Variants in RNF19A observed in about 807,000 individuals in gnomAD.
RNF19A encodes ring finger protein 19A, RBR E3 ubiquitin protein ligase, also known as E3 ubiquitin-protein ligase RNF19A.
In RNF19A, 32 loss-of-function variants were observed where a neutral mutation model predicts 75.7. The ratio of observed to expected loss-of-function variants is 0.42; its 90% CI spans 0.32 to 0.57. The LOEUF (loss-of-function observed/expected upper bound fraction) is 0.57. Among genes scored for constraint, RNF19A ranks in the 20% least tolerant of loss-of-function variants. The pLI, the probability that RNF19A is intolerant of heterozygous loss-of-function variation, is 0.10. For missense variants in RNF19A, 782 were observed against 1,036.3 expected (o/e 0.75, Z 3.37); for synonymous variants, 335 against 345.2 (o/e 0.97, Z 0.33).
intron 1 of RNF19A, among the ~76,000 whole-genome samples, chr8:100,298,073 TAAATA>T (rs1297004556): frequency 6.6e-6 from 1 of 151,936 alleles, no homozygotes; most frequent in African/African-American, 2.4e-5. Context: ...TTATAAAGAT[TAAATA>T]AAATAACACA....
intron 1 of RNF19A, among the ~76,000 whole-genome samples, chr8:100,303,787 G>A (rs968769321): frequency 9.1e-4 from 122 of 133,860 alleles, no homozygotes; most frequent in Non-Finnish European, 1.4e-3. Flanking sequence ...AAAAAAAAAT[G>A]ATTAGCTGGG....
chr8:100,318,143 T>C (rs935099690), intron 1 of RNF19A, among the ~76,000 whole-genome samples: 4 of 152,230 alleles, frequency 2.6e-5, no homozygotes, highest in Non-Finnish European at 2.9e-5. Context: ...TCTGACAATA[T>C]CTAGAAAATA....
rs1346581112 is a variant in RNF19A at position 100,324,851 on chromosome 8, CTCCT to C, written c.-243+11253_-243+11256del. On this transcript the variant is annotated intron_variant, in intron 1 of 3. Transcript: ENST00000519527. This position sits in a 1 kb window ranked among gnomAD's most constrained non-coding sequence, Gnocchi z 4.2. The stretch of plus-strand genomic sequence containing the variant: ...TTCCTCCTTCTTCCTCCCTCCCTCC[CTCCT>C]TCCTTTCTCTCTTTCTCTTTTTTTT... Among the ~76,000 whole-genome samples the C allele has an allele frequency of 6.7e-6, 1 of 150,364 alleles. No homozygotes were observed. Among genetic ancestry groups the C allele is most frequent in the East Asian group, 1.9e-4 (1 of 5,158 alleles).
chr8:100,323,960 G>T lies in RNF19A; in HGVS notation c.-242-10588C>A, dbSNP rs1296772178. Among the ~76,000 whole-genome samples, 1 of 152,096 alleles carries T rather than the reference G, an allele frequency of 6.6e-6. No homozygotes were observed. Among genetic ancestry groups the T allele is most frequent in the Non-Finnish European group, 1.5e-5 (1 of 68,018 alleles). On this transcript the variant is annotated intron_variant, in intron 1 of 3. Coordinates refer to the RNF19A transcript ENST00000519527. The surrounding 1 kb of genome is among the most constrained non-coding windows in gnomAD (Gnocchi z 4.6). ...GAGAAAAATTTATCTGAGGTCTCGG[G>T]GCCAGAGATCTGTATTCAATTTCAA... is the stretch of plus-strand genomic sequence containing the variant.
chr8:100,259,756 T>C lies in RNF19A; in HGVS notation c.1826+98A>G. 1.9e-6 allele frequency: 2 copies of C among 1,054,126 alleles called. No homozygotes were observed. Among genetic ancestry groups the C allele is most frequent in the South Asian group, 3.1e-5 (2 of 64,358 alleles). 65.3% of individuals were successfully genotyped at this position (1,054,126 alleles called of 1,614,324 possible). A position where few individuals can be genotyped will look rare whatever the true frequency, so the allele number is the denominator to read the frequency against. The stretch of plus-strand genomic sequence containing the variant: ...TGTTTCCTTTTCTCAGAGAACTTAA[T>C]AGTTGGTAGCCACTTTTCACTGGTA... On this transcript the variant is annotated intron_variant, in intron 9 of 9. Coordinates refer to ENST00000341084, the MANE Select transcript of RNF19A (RefSeq NM_183419.4). This position sits in a 1 kb window ranked among gnomAD's most constrained non-coding sequence, Gnocchi z 4.5.
chr8:100,331,153 A>G lies in RNF19A; in HGVS notation c.-243+4955T>C, dbSNP rs1358783064. Among the ~76,000 whole-genome samples, 1 of 152,216 alleles carries G rather than the reference A, an allele frequency of 6.6e-6. No homozygotes were observed. The highest frequency in any genetic ancestry group is 6.5e-5 in the Admixed American group (1 of 15,280). On this transcript the variant is annotated intron_variant, in intron 1 of 3. Transcript: ENST00000519527. This position sits in a 1 kb window ranked among gnomAD's most constrained non-coding sequence, Gnocchi z 5.2. ...TGCTGGGCAATTCAATAAGAAAGACAACATTCACAGCCTGATCATCTTGGG... is the reference window on the plus strand; with the variant it reads ...TGCTGGGCAATTCAATAAGAAAGACGACATTCACAGCCTGATCATCTTGGG...
At chr8:100,334,690 C>G (rs772393450) in intron 1 of RNF19A, among the ~76,000 whole-genome samples, 2 of 152,164 alleles carry the variant, frequency 1.3e-5, no homozygotes, top group African/African-American at 2.4e-5. Flanking sequence ...TTCATTGAGT[C>G]CCACTCCTTT....
chr8:100,303,871 A>C (rs1025394385), intron 1 of RNF19A, among the ~76,000 whole-genome samples: 2 of 151,288 alleles, frequency 1.3e-5, no homozygotes, highest in African/African-American at 4.9e-5. Flanking sequence ...TGGGAGGCGG[A>C]GGGTGCAGTA....
chr8:100,259,303 G>A lies in RNF19A; in HGVS notation c.1827-57C>T, dbSNP rs567339265. 2.1e-6 allele frequency: 3 copies of A among 1,409,556 alleles called. No homozygotes were observed. Among genetic ancestry groups the A allele is most frequent in the Non-Finnish European group, 2.9e-6 (3 of 1,028,658 alleles). The allele number at this position is 1,409,556 out of a possible 1,614,324, so 87.3% of individuals were successfully genotyped here. ...ATTGCTGACTTCTTTTTGTTCAGATGACTGGGGGAAGGGTTTCTATGTGGA... is the reference window on the plus strand; with the variant it reads ...ATTGCTGACTTCTTTTTGTTCAGATAACTGGGGGAAGGGTTTCTATGTGGA... On this transcript the variant is annotated intron_variant, in intron 9 of 9. Coordinates refer to ENST00000341084, the MANE Select transcript of RNF19A (RefSeq NM_183419.4). This position sits in a 1 kb window ranked among gnomAD's most constrained non-coding sequence, Gnocchi z 4.5.
chr8:100,261,670 A>G lies in RNF19A; in HGVS notation c.1554T>C (p.Ser518=). 1 of 1,614,046 alleles carries G rather than the reference A, an allele frequency of 6.2e-7. No individual in the cohort carries two copies. The highest frequency in any genetic ancestry group is 8.5e-7 in the Non-Finnish European group (1 of 1,179,992). The change falls in exon 8 of 10, where the codon AGT becomes AGC. Residue 518 remains serine (S), a synonymous_variant. Transcript: ENST00000341084. This position sits in a 1 kb window ranked among gnomAD's most constrained non-coding sequence, Gnocchi z 4.4. ...CTCCTATTCGATCCATGTGGCTTCC[A>G]CTTGCACTCAAACTGCCAGTCAGCC... ...VGGLTGSLSA[S]GSHMDRIGAI... is the part of the protein sequence containing the mutation.
At chr8:100,310,079 G>C (rs1242709424), upstream of RNF19A, 4 of 985,412 alleles carry the variant, frequency 4.1e-6, no homozygotes, top group African/African-American at 5.2e-5. Context: ...GCTGCTCCCG[G>C]GAACCAGCGC....
rs926333378 is a variant in RNF19A, at chr8:100,261,267, T to A, written c.1682+275A>T. 5.9e-4 allele frequency among the ~76,000 whole-genome samples: 90 copies of A among 151,990 alleles called. No homozygotes were observed. Among genetic ancestry groups the A allele is most frequent in the African/African-American group, 2.2e-3 (89 of 41,378 alleles). ...ATGCCACCAAATCCGGCTAATTTTT[T>A]ATATTTTTTTAGTAGAGATGGGGTT... On this transcript the variant is annotated intron_variant, in intron 8 of 9. Coordinates refer to ENST00000341084, the MANE Select transcript of RNF19A (RefSeq NM_183419.4). The surrounding 1 kb of genome is among the most constrained non-coding windows in gnomAD (Gnocchi z 4.4).
chr8:100,289,169 T>C (rs1464340347), intron 1 of RNF19A, among the ~76,000 whole-genome samples: 1 of 152,058 alleles, frequency 6.6e-6, no homozygotes, highest in East Asian at 1.9e-4. Context: ...AAAAATACTA[T>C]GTCTACTGGT....
rs1324671966 is a variant in RNF19A, at chr8:100,287,386, A to G, written c.674+115T>C. 20 of 886,140 alleles carry G rather than the reference A, an allele frequency of 2.3e-5. No individual in the cohort carries two copies. Among genetic ancestry groups the G allele is most frequent in the Non-Finnish European group, 3.4e-5 (20 of 584,576 alleles). 54.9% of individuals were successfully genotyped at this position (886,140 alleles called of 1,614,324 possible). A position where few individuals can be genotyped will look rare whatever the true frequency, so the allele number is the denominator to read the frequency against. On this transcript the variant is annotated intron_variant, in intron 2 of 9. Transcript: ENST00000341084. This position sits in a 1 kb window ranked among gnomAD's most constrained non-coding sequence, Gnocchi z 4.1. ...GCCTGACATATGGTGTGCACTCAAC[A>G]TGTCTGTTGAATGAATTCTCCAGCA...
chr8:100,311,553 C>T (rs1429375095), upstream of RNF19A, among the ~76,000 whole-genome samples: 2 of 151,790 alleles, frequency 1.3e-5, no homozygotes, highest in South Asian at 2.1e-4. Flanking sequence ...CCCGTCTCTA[C>T]TAAAAATACA....
chr8:100,277,229 A>C (rs528204968), intron 2 of RNF19A, among the ~76,000 whole-genome samples: 1 of 152,326 alleles, frequency 6.6e-6, no homozygotes, highest in East Asian at 1.9e-4. Context: ...ATTGCAATTA[A>C]GTTTTAAGAT....
chr8:100,316,209 C>G (rs1399598600), intron 1 of RNF19A, among the ~76,000 whole-genome samples: 4 of 152,136 alleles, frequency 2.6e-5, no homozygotes, highest in African/African-American at 9.6e-5. Context: ...GGCTTGTGGT[C>G]TCGCTGGCTC....
intron 1 of RNF19A, among the ~76,000 whole-genome samples, chr8:100,334,796 G>T (rs538132227): frequency 6.6e-6 from 1 of 152,326 alleles, no homozygotes; most frequent in East Asian, 1.9e-4. Flanking sequence ...ACTCCAAAGA[G>T]ACGGTCTTTA....
chr8:100,318,948 C>T (rs1297277207), intron 1 of RNF19A, among the ~76,000 whole-genome samples: 1 of 152,216 alleles, frequency 6.6e-6, no homozygotes, highest in Admixed American at 6.5e-5. Flanking sequence ...GCACATGGCC[C>T]AGAGCAATCC....
Sources: allele counts gnomAD v4.1 joint callset (sites outside exome capture counted in the v4.1 genomes callset), GRCh38; gene constraint gnomAD v4.1.1; non-coding constraint Gnocchi (gnomAD v3.1); transcripts MANE v1.5; gene names NCBI Gene and HGNC (gene_info 2026-07-23, HGNC 2026-07-21).